The following NFIA variants were observed in gnomAD, a reference collection of about 807,000 sequenced individuals.
The protein encoded by NFIA is nuclear factor 1 A-type.
NFIA carries 8 observed loss-of-function variants against 62.8 expected under a neutral mutation model. The ratio of observed to expected loss-of-function variants is 0.13; its 90% CI spans 0.07 to 0.23. NFIA has a LOEUF of 0.23. NFIA is among the 10% of genes least tolerant of loss of function. The pLI is 1.00. For missense variants in NFIA, 410 were observed against 642.1 expected (o/e 0.64, Z 3.91); for synonymous variants, 235 against 238.1 (o/e 0.99, Z 0.12).
chr1:61,143,561 TG>T (rs1213537755), intron 2 of NFIA, among the ~76,000 whole-genome samples: 5 of 152,104 alleles, frequency 3.3e-5, no homozygotes, highest in Admixed American at 2.0e-4. Flanking sequence ...GGTTAATTTT[TG>T]TATTTTTTTG....
At chr1:61,077,633 G>A (rs1355029864), upstream of NFIA, 2 of 1,423,482 alleles carry the variant, frequency 1.4e-6, no homozygotes, top group African/African-American at 2.9e-5. Flanking sequence ...GCAATGGTAC[G>A]TGGTACATCT....
intron 7 of NFIA, among the ~76,000 whole-genome samples, chr1:61,390,058 GA>G (rs1664892466): frequency 6.6e-6 from 1 of 152,158 alleles, no homozygotes; most frequent in South Asian, 2.1e-4. Context: ...AGAGGACAAG[GA>G]AACCAGCAGT....
At chr1:61,138,576 TATTTA>T (rs2100501468) in intron 2 of NFIA, among the ~76,000 whole-genome samples, 1 of 151,704 alleles carries the variant, frequency 6.6e-6, no homozygotes, top group South Asian at 2.1e-4. Flanking sequence ...TTTATTTATT[TATTTA>T]TTTATTTATT....
rs6657311 is a variant in NFIA at position 61,324,660 on chromosome 1, G to A, written c.626-7852G>A. On this transcript the variant is annotated intron_variant, in intron 3 of 10. Coordinates refer to ENST00000403491, the MANE Select transcript of NFIA (RefSeq NM_001134673.4). ...CCTTGACCTCTGAACAGCTCTTCAA[G>A]GTTACCTGTCTCTCTTCAAATCTTA... 7.1e-3 allele frequency among the ~76,000 whole-genome samples: 1,083 copies of A among 152,278 alleles called. 11 individuals carry two copies. Among genetic ancestry groups the A allele is most frequent in the African/African-American group, 0.025 (1,028 of 41,578 alleles).
Position 61,197,269 on chromosome 1 carries a change from C to T in NFIA, c.560-80251C>T, listed in dbSNP as rs186481553. On this transcript the variant is annotated intron_variant, in intron 2 of 10. Transcript: ENST00000403491. ...TTTTTTTTTTTTTGAGACGGAGTCTCTCTGTGTCACGCAGGCTGGTGTGCA... is the reference window on the plus strand; with the variant it reads ...TTTTTTTTTTTTTGAGACGGAGTCTTTCTGTGTCACGCAGGCTGGTGTGCA... 4.7e-3 allele frequency among the ~76,000 whole-genome samples: 565 copies of T among 119,344 alleles called. 7 individuals carry two copies. In the East Asian group the frequency reaches 0.061, roughly 13 times the overall value. 78.3% of individuals were successfully genotyped at this position (119,344 alleles called of 152,430 possible).
chr1:61,236,002 A>G (rs1654991685), intron 2 of NFIA, among the ~76,000 whole-genome samples: 3 of 152,082 alleles, frequency 2.0e-5, no homozygotes, highest in African/African-American at 7.2e-5. Context: ...TGTTATTTAC[A>G]TGGTTCTGAA....
At chr1:61,139,878 C>CAAAA (rs35520094) in intron 2 of NFIA, among the ~76,000 whole-genome samples, 6 of 74,114 alleles carry the variant, frequency 8.1e-5, no homozygotes, top group East Asian at 3.9e-4. Context: ...GGGAATTTAC[C>CAAAA]AAAAAAAAAA....
intron 7 of NFIA, among the ~76,000 whole-genome samples, chr1:61,395,770 G>T (rs1392168060): frequency 6.6e-6 from 1 of 152,150 alleles, no homozygotes. Flanking sequence ...TCAGGACAAA[G>T]GCTGGGGCTG....
At chr1:61,151,679 CA>C (rs1340435890) in intron 2 of NFIA, among the ~76,000 whole-genome samples, 1 of 152,154 alleles carries the variant, frequency 6.6e-6, no homozygotes. Context: ...CATGCAAAGG[CA>C]AAATTAAATA....
intron 7 of NFIA, among the ~76,000 whole-genome samples, chr1:61,396,951 G>A (rs1030997009): frequency 2.6e-5 from 4 of 151,806 alleles, no homozygotes; most frequent in Non-Finnish European, 2.9e-5. Flanking sequence ...GCAGTGAGCC[G>A]AGATTGCGCC....
At chr1:61,174,756 C>T (rs1650209898) in intron 2 of NFIA, among the ~76,000 whole-genome samples, 1 of 152,158 alleles carries the variant, frequency 6.6e-6, no homozygotes, top group Non-Finnish European at 1.5e-5. Flanking sequence ...ATGATGGATA[C>T]ATATGCCTAG....
chr1:61,146,063 G>A (rs999504998), intron 2 of NFIA, among the ~76,000 whole-genome samples: 8 of 152,184 alleles, frequency 5.3e-5, no homozygotes, highest in African/African-American at 1.9e-4. Flanking sequence ...CCGAGGACTG[G>A]TTCCTTCTGT....
At chr1:61,123,669 T>C (rs769447973) in intron 2 of NFIA, among the ~76,000 whole-genome samples, 2 of 145,848 alleles carry the variant, frequency 1.4e-5, no homozygotes, top group Non-Finnish European at 3.0e-5. Flanking sequence ...AATTAAATCT[T>C]TATTTATACA....
At chr1:61,415,493 CA>C (rs1666308183) in intron 9 of NFIA, among the ~76,000 whole-genome samples, 1 of 151,768 alleles carries the variant, frequency 6.6e-6, no homozygotes, top group Non-Finnish European at 1.5e-5. Context: ...AGAGAAAGAC[CA>C]ACAATCCAAT....
At chr1:61,297,568 A>C (rs1166129874) in intron 3 of NFIA, among the ~76,000 whole-genome samples, 1 of 152,196 alleles carries the variant, frequency 6.6e-6, no homozygotes, top group Non-Finnish European at 1.5e-5. Flanking sequence ...TTGCGGTAGT[A>C]GTACCTGAGT....
At chr1:61,154,141 A>G (rs1182278859) in intron 2 of NFIA, among the ~76,000 whole-genome samples, 3 of 152,064 alleles carry the variant, frequency 2.0e-5, no homozygotes, top group South Asian at 2.1e-4. Flanking sequence ...CATTTGTTTT[A>G]TTTTATTTTA....
At chr1:61,338,778 A>G (rs1337906927) in intron 4 of NFIA, among the ~76,000 whole-genome samples, 2 of 152,232 alleles carry the variant, frequency 1.3e-5, no homozygotes, top group African/African-American at 4.8e-5. Context: ...TTGGGGTGCC[A>G]TTTAAACATT....
At chr1:61,386,813 A>G (rs1417554170) in intron 7 of NFIA, among the ~76,000 whole-genome samples, 2 of 152,194 alleles carry the variant, frequency 1.3e-5, no homozygotes, top group Non-Finnish European at 2.9e-5. Flanking sequence ...ACAGAACACC[A>G]TAGACTGGGT....
rs149870563 is a variant in NFIA at position 61,383,760 on chromosome 1, G to T, written c.1075+395G>T. Reference sequence around the variant, plus strand: ...CATTGGGTGAGTATATTTCCATGTGGTCAATTACCTGTTTTCAAGTAGTAG... The same window carrying T: ...CATTGGGTGAGTATATTTCCATGTGTTCAATTACCTGTTTTCAAGTAGTAG... On this transcript the variant is annotated intron_variant, in intron 7 of 10. Transcript: ENST00000403491. Among the ~76,000 whole-genome samples the T allele has an allele frequency of 1.8e-3, 272 of 152,296 alleles. 1 individual carries two copies. The highest frequency in any genetic ancestry group is 6.3e-3 in the African/African-American group (262 of 41,566).
Sources: allele counts gnomAD v4.1 joint callset (sites outside exome capture counted in the v4.1 genomes callset), GRCh38; gene constraint gnomAD v4.1.1; transcripts MANE v1.5; gene names NCBI Gene and HGNC (gene_info 2026-07-23, HGNC 2026-07-21).